Variants in PDE10A observed in about 807,000 individuals in gnomAD.
The protein encoded by PDE10A is phosphodiesterase 10A, also known as cAMP and cAMP-inhibited cGMP 3',5'-cyclic phosphodiesterase 10A.
PDE10A carries 39 observed loss-of-function variants against 97.7 expected under a neutral mutation model. The observed-to-expected ratio is 0.40, with a 90% CI of 0.31 to 0.52. The LOEUF (loss-of-function observed/expected upper bound fraction) is 0.52, where lower values mean the gene tolerates loss of function less well. PDE10A is among the 20% of genes least tolerant of loss of function. The pLI is 0.56. For synonymous variants in PDE10A, 371 were observed against 376.8 expected, an observed-to-expected ratio of 0.98 and a Z score of 0.18; for missense variants, 731 against 1,047.8, an observed-to-expected ratio of 0.70 and a Z score of 4.17.
At chr6:165,381,091 T>C (rs779790091) in intron 17 of PDE10A, among the ~76,000 whole-genome samples, 10 of 152,344 alleles carry the variant, frequency 6.6e-5, no homozygotes, top group Middle Eastern at 3.4e-3. Flanking sequence ...AATTATAATA[T>C]ATAAAATATT....
intron 1 of PDE10A, among the ~76,000 whole-genome samples, chr6:165,841,374 T>G (rs1780254269): frequency 6.6e-6 from 1 of 152,198 alleles, no homozygotes; most frequent in Non-Finnish European, 1.5e-5. Flanking sequence ...TGGCCTTTGC[T>G]GACCAGGGTG....
intron 1 of PDE10A, among the ~76,000 whole-genome samples, chr6:165,621,274 C>T (rs1788118202): frequency 1.3e-5 from 2 of 150,224 alleles, no homozygotes; most frequent in Admixed American, 1.3e-4. Flanking sequence ...TTCAATGAAT[C>T]CTCACCTAGC....
intron 1 of PDE10A, among the ~76,000 whole-genome samples, chr6:165,553,098 T>C (rs1784092822): frequency 6.6e-6 from 1 of 152,230 alleles, no homozygotes; most frequent in African/African-American, 2.4e-5. Context: ...CCTTTTTTCA[T>C]CTAAAGAGTT....
At chr6:165,371,333 C>G (rs571178257) in intron 18 of PDE10A, among the ~76,000 whole-genome samples, 1 of 151,804 alleles carries the variant, frequency 6.6e-6, no homozygotes, top group Non-Finnish European at 1.5e-5. Flanking sequence ...AGACTGCTAG[C>G]AAGACTACTA....
intron 1 of PDE10A, among the ~76,000 whole-genome samples, chr6:165,752,313 G>A (rs984034701): frequency 6.6e-6 from 1 of 152,044 alleles, no homozygotes; most frequent in African/African-American, 2.4e-5. Context: ...CCTTGGTGAA[G>A]CCAAGGACCC....
rs1208303723 is a variant in PDE10A at position 165,987,781 on chromosome 6, G to A, written c.-867C>T. The A allele has an allele frequency of 6.6e-6, 3 of 451,796 alleles. No homozygotes were observed. The Admixed American group carries it at 7.2e-5, about 11-fold the overall frequency. The allele number at this position is 451,796 out of a possible 1,614,324, so 28.0% of individuals were successfully genotyped here. ...CCAAAGGCTTGGGGCACTCTGGGGT[G>A]CGCGCCGATCTTCTCGCAAAAGGCG... On this transcript the variant is annotated 5_prime_UTR_variant, in exon 1 of 20. Transcript: ENST00000366882.
At chr6:165,391,796 G>C (rs181665701) in intron 16 of PDE10A, among the ~76,000 whole-genome samples, 2 of 152,276 alleles carry the variant, frequency 1.3e-5, no homozygotes, top group Non-Finnish European at 2.9e-5. Flanking sequence ...GGATGGAAAA[G>C]GATAGGATGG....
chr6:165,722,739 G>T (rs374348426), intron 1 of PDE10A, among the ~76,000 whole-genome samples: 1 of 152,076 alleles, frequency 6.6e-6, no homozygotes, highest in Non-Finnish European at 1.5e-5. Flanking sequence ...AGACATGTAC[G>T]TAAGTTATAT....
Position 165,936,679 on chromosome 6 carries a change from C to T in PDE10A, c.-615+50850G>A, listed in dbSNP as rs530848621. Reference sequence around the variant, plus strand: ...AAACGAAAGGAGAGAGAGGTGATTACAACCCAGGAAGATGGTGATTCTTAA... The same window carrying T: ...AAACGAAAGGAGAGAGAGGTGATTATAACCCAGGAAGATGGTGATTCTTAA... On this transcript the variant is annotated intron_variant, in intron 1 of 19. Coordinates refer to the PDE10A transcript ENST00000366882. Among the ~76,000 whole-genome samples the T allele has an allele frequency of 9.2e-5, 14 of 152,310 alleles. No homozygotes were observed. The South Asian group carries it at 2.7e-3, about 29-fold the overall frequency.
intron 10 of PDE10A, among the ~76,000 whole-genome samples, chr6:165,424,743 A>G (rs1051324825): frequency 6.6e-6 from 1 of 152,184 alleles, no homozygotes; most frequent in Non-Finnish European, 1.5e-5. Context: ...AATAAAGAAA[A>G]TATTACAATT....
rs1052831089 is a variant in PDE10A at position 165,329,981 on chromosome 6, G to A, written c.*3044C>T. 1 of 152,022 alleles carries A rather than the reference G, an allele frequency of 6.6e-6. No homozygotes were observed. Among genetic ancestry groups the A allele is most frequent in the African/African-American group, 2.4e-5 (1 of 41,376 alleles). 9.4% of individuals were successfully genotyped at this position (152,022 alleles called of 1,614,324 possible). On this transcript the variant is annotated 3_prime_UTR_variant, in exon 22 of 22. Coordinates refer to ENST00000539869, the MANE Select transcript of PDE10A (RefSeq NM_001385079.1). ...TTTCCACATCCATTGTATTTCTTTT[G>A]ACCCTTTTCTAATTAATCAATTCAC...
At chr6:165,672,224 G>A (rs1207968731) in intron 1 of PDE10A, among the ~76,000 whole-genome samples, 2 of 152,144 alleles carry the variant, frequency 1.3e-5, no homozygotes, top group African/African-American at 4.8e-5. Context: ...AATGGTATAA[G>A]GCAAGCTCTT....
intron 17 of PDE10A, among the ~76,000 whole-genome samples, chr6:165,383,818 C>T (rs1785079596): frequency 6.6e-6 from 1 of 152,152 alleles, no homozygotes; most frequent in African/African-American, 2.4e-5. Flanking sequence ...TGCTCAGGCG[C>T]TATGTAAAAG....
intron 1 of PDE10A, among the ~76,000 whole-genome samples, chr6:165,634,636 A>G (rs1788789368): frequency 6.6e-6 from 1 of 152,210 alleles, no homozygotes; most frequent in South Asian, 2.1e-4. Context: ...AGATAACACA[A>G]AACACACGCC....
At chr6:165,437,279 T>C (rs1479211663) in intron 5 of PDE10A, among the ~76,000 whole-genome samples, 2 of 152,188 alleles carry the variant, frequency 1.3e-5, no homozygotes, top group African/African-American at 4.8e-5. Context: ...AGGCTGAATT[T>C]AATCACATGT....
intron 1 of PDE10A, among the ~76,000 whole-genome samples, chr6:165,985,522 A>T (rs1041319721): frequency 1.3e-5 from 2 of 151,978 alleles, no homozygotes; most frequent in African/African-American, 2.4e-5. Flanking sequence ...CTCACCTCCA[A>T]CTTCAGGAGG....
At chr6:165,768,153 G>A (rs1238837657) in intron 1 of PDE10A, among the ~76,000 whole-genome samples, 1 of 151,994 alleles carries the variant, frequency 6.6e-6, no homozygotes, top group Non-Finnish European at 1.5e-5. Flanking sequence ...TTTTATCGTT[G>A]AGTTGTAAAA....
chr6:165,335,939 G>C (rs551918207), intron 21 of PDE10A, among the ~76,000 whole-genome samples, 184 bp downstream of exon 21: 25 of 152,304 alleles, frequency 1.6e-4, no homozygotes, highest in African/African-American at 5.8e-4. Context: ...GAGGAGAATT[G>C]AACCAAAGGG....
chr6:165,770,745 C>A (rs1390486715), intron 1 of PDE10A, among the ~76,000 whole-genome samples: 1 of 152,188 alleles, frequency 6.6e-6, no homozygotes, highest in Non-Finnish European at 1.5e-5. Context: ...GGTCTCTAAA[C>A]CCAGTGAGGT....
Sources: gnomAD v4.1 joint callset for allele counts (sites outside exome capture counted in the v4.1 genomes callset) on GRCh38, gnomAD v4.1.1 for gene constraint, MANE v1.5 for transcripts, NCBI Gene and HGNC (gene_info 2026-07-23, HGNC 2026-07-21) for gene names.